The following RELL1 variants were observed in gnomAD, a reference collection of about 807,000 sequenced individuals.
The protein encoded by RELL1 is RELT-like protein 1.
Under a neutral mutation model 23.0 loss-of-function variants are expected in RELL1, and 10 were observed. That is an observed-to-expected ratio of 0.43 (90% CI 0.27 to 0.74). The LOEUF (loss-of-function observed/expected upper bound fraction) is 0.74, where lower values mean the gene tolerates loss of function less well. Ranked by LOEUF, RELL1 falls within the 30% of genes least tolerant of loss-of-function variation. The pLI, the probability that RELL1 is intolerant of heterozygous loss-of-function variation, is 0.19. For synonymous variants in RELL1, 146 were observed against 146.8 expected (o/e 0.99, Z 0.04); for missense variants, 315 against 364.4 (o/e 0.86, Z 1.10).
At chr4:37,682,807 G>A (rs559473442) in intron 1 of RELL1, among the ~76,000 whole-genome samples, 2 of 152,274 alleles carry the variant, frequency 1.3e-5, no homozygotes, top group African/African-American at 4.8e-5. Context: ...CAGAATGCTG[G>A]AGGGAAGCCT....
intron 3 of RELL1, among the ~76,000 whole-genome samples, chr4:37,644,190 G>GA (rs966973003): frequency 3.4e-5 from 5 of 149,214 alleles, no homozygotes; most frequent in African/African-American, 4.9e-5. Flanking sequence ...AAAAGAAAAA[G>GA]AAAAAAAAAC....
rs554123669 is a variant in RELL1 at position 37,611,589 on chromosome 4, A to AC, written c.*1756dup. 1.1e-4 allele frequency among the ~76,000 whole-genome samples: 17 copies of AC among 152,014 alleles called. No individual in the cohort carries two copies. The highest frequency in any genetic ancestry group is 4.6e-4 in the Admixed American group (7 of 15,256). ...ATGAAATAAAAGAAGTGCTCAAGGC[A>AC]CCCCCCAACACTGACATGGAGGCGG... On this transcript the variant is annotated 3_prime_UTR_variant, in exon 7 of 7. Transcript: ENST00000454158.
chr4:37,661,267 CTGTTTGTT>C (rs112180792), intron 1 of RELL1, among the ~76,000 whole-genome samples: 24 of 150,594 alleles, frequency 1.6e-4, no homozygotes, highest in South Asian at 6.3e-4. Context: ...TAAGTTAATT[CTGTTTGTT>C]TGTTTGTTTG....
At chr4:37,677,467 A>C (rs777720385) in intron 1 of RELL1, among the ~76,000 whole-genome samples, 7 of 152,238 alleles carry the variant, frequency 4.6e-5, no homozygotes, top group Non-Finnish European at 1.0e-4. Flanking sequence ...CCACGAGAAG[A>C]TGAACAATAA....
In RELL1 at chr4:37,612,608, G is replaced by A. The variant is rs1366784337; in HGVS notation, c.*738C>T. Among the ~76,000 whole-genome samples the A allele has an allele frequency of 1.4e-5, 2 of 145,852 alleles. No individual in the cohort carries two copies. Among genetic ancestry groups the A allele is most frequent in the Non-Finnish European group, 3.0e-5 (2 of 67,468 alleles). ...GTGGAGATTGTGCCACTGCACTCCAGCCTAGGGGACACAGCGAGACTCTGC... is the reference window on the plus strand; with the variant it reads ...GTGGAGATTGTGCCACTGCACTCCAACCTAGGGGACACAGCGAGACTCTGC... On this transcript the variant is annotated 3_prime_UTR_variant, in exon 7 of 7. Transcript: ENST00000454158.
intron 2 of RELL1, among the ~76,000 whole-genome samples, chr4:37,648,482 G>A (rs1250634595): frequency 6.6e-6 from 1 of 152,186 alleles, no homozygotes; most frequent in Non-Finnish European, 1.5e-5. Context: ...CCCTTAGCAG[G>A]GCTGAAAGGA....
intron 1 of RELL1, 103 bp downstream of exon 1, chr4:37,686,097 G>C: frequency 9.9e-7 from 1 of 1,011,102 alleles, no homozygotes; most frequent in Non-Finnish European, 1.4e-6. Context: ...GGCTGTGCCA[G>C]AAAGCAGGAC....
intron 6 of RELL1, among the ~76,000 whole-genome samples, chr4:37,619,808 C>G (rs921770052): frequency 6.6e-6 from 1 of 151,874 alleles, no homozygotes; most frequent in Non-Finnish European, 1.5e-5. Context: ...TGGCCTCGAG[C>G]CATCCTCCCA....
intron 6 of RELL1, among the ~76,000 whole-genome samples, chr4:37,616,734 G>A (rs1719589050): frequency 6.6e-6 from 1 of 152,198 alleles, no homozygotes; most frequent in African/African-American, 2.4e-5. Flanking sequence ...TAACACTGAA[G>A]TCCCGGAGCT....
At chr4:37,647,835 C>T (rs9996223) in intron 2 of RELL1, among the ~76,000 whole-genome samples, 47,993 of 152,118 alleles carry the variant, frequency 0.32, 7,764 homozygotes, top group Non-Finnish European at 0.37. Context: ...TATCAATTTA[C>T]AATATTAATT....
intron 6 of RELL1, among the ~76,000 whole-genome samples, chr4:37,596,705 TGGGC>T (rs1718855614): frequency 1.1e-5 from 1 of 87,836 alleles, no homozygotes; most frequent in South Asian, 4.0e-4. Context: ...TAGACAAAAC[TGGGC>T]ATATATATAT....
intron 3 of RELL1, among the ~76,000 whole-genome samples, chr4:37,643,913 G>A (rs1288388733): frequency 1.3e-5 from 2 of 152,188 alleles, no homozygotes; most frequent in Non-Finnish European, 2.9e-5. Flanking sequence ...TGAGGGCCCA[G>A]GAAGGGAACC....
chr4:37,659,159 A>G (rs1214314257), intron 1 of RELL1, among the ~76,000 whole-genome samples: 1 of 152,218 alleles, frequency 6.6e-6, no homozygotes, highest in Non-Finnish European at 1.5e-5. Context: ...CCACAAATAA[A>G]AAATGTCCAA....
chr4:37,635,276 A>T (rs978910733), intron 4 of RELL1, among the ~76,000 whole-genome samples, 153 bp from the exon 5 acceptor site: 1 of 152,184 alleles, frequency 6.6e-6, no homozygotes, highest in African/African-American at 2.4e-5. Flanking sequence ...CAGACCTCAG[A>T]CAGCAGGTAC....
intron 1 of RELL1, among the ~76,000 whole-genome samples, chr4:37,670,795 A>G (rs1721808875): frequency 6.6e-6 from 1 of 152,136 alleles, no homozygotes; most frequent in African/African-American, 2.4e-5. Flanking sequence ...GATGATCTCT[A>G]TCTCCTGACC....
intron 6 of RELL1, among the ~76,000 whole-genome samples, chr4:37,613,866 G>C (rs77100227): frequency 1.3e-5 from 2 of 152,178 alleles, no homozygotes; most frequent in Admixed American, 6.5e-5. Flanking sequence ...TTGTAAAATA[G>C]CTCCCTGCTT....
intron 6 of RELL1, among the ~76,000 whole-genome samples, chr4:37,599,454 T>A (rs916825385): frequency 2.0e-5 from 3 of 152,162 alleles, no homozygotes; most frequent in Non-Finnish European, 4.4e-5. Flanking sequence ...CTCATGCTGA[T>A]CCCATTTGTC....
intron 6 of RELL1, among the ~76,000 whole-genome samples, chr4:37,599,634 G>A (rs1242224236): frequency 6.6e-6 from 1 of 152,122 alleles, no homozygotes; most frequent in African/African-American, 2.4e-5. Context: ...CAAGGAAGTG[G>A]GCCAAAGTAC....
chr4:37,635,199 G>T, intron 4 of RELL1, 76 bp from the exon 5 acceptor site: 1 of 1,160,484 alleles, frequency 8.6e-7, no homozygotes, highest in Non-Finnish European at 1.3e-6. Flanking sequence ...TCCCTGTGAT[G>T]ACAGAAGCAG....
Sources: gnomAD v4.1 joint callset for allele counts (sites outside exome capture counted in the v4.1 genomes callset) on GRCh38, gnomAD v4.1.1 for gene constraint, MANE v1.5 for transcripts, NCBI Gene and HGNC (gene_info 2026-07-23, HGNC 2026-07-21) for gene names.